Variants in ZNF580 observed in about 807,000 individuals in gnomAD.
ZNF580 encodes LDL-induced EC protein.
A neutral mutation model predicts 1.3 loss-of-function variants in ZNF580; 1 was observed. The observed-to-expected ratio is 0.77, with a 90% CI of 0.27 to 3.65. The LOEUF (loss-of-function observed/expected upper bound fraction) is 3.65, where lower values mean the gene tolerates loss of function less well. Ranked by LOEUF, ZNF580 falls within the 30% of genes most tolerant of loss-of-function variation. ZNF580 has a pLI of 0.19. For missense variants in ZNF580, 268 were observed against 272.3 expected (o/e 0.98, Z 0.11); for synonymous variants, 135 against 128.8 (o/e 1.05, Z -0.32).
Position 55,642,579 on chromosome 19 carries a change from C to T in ZNF580, c.71C>T (p.Pro24Leu), listed in dbSNP as rs371800796. ...CCGGAGGCCATGGACCCACCGCCCC[C>T]CAAGGCTCCCCCTTTCCCCAAGGCG... ...SSPEAMDPPP[P>L]KAPPFPKAEG... The change falls in exon 2 of 2, where the codon CCC becomes CTC. Residue 24 changes from proline (P) to leucine (L), a missense_variant. Transcript: ENST00000325333. 1 of 1,450,628 alleles carries T rather than the reference C, an allele frequency of 6.9e-7. No individual in the cohort carries two copies. The highest frequency in any genetic ancestry group is 9.1e-7 in the Non-Finnish European group (1 of 1,101,942). 89.9% of individuals were successfully genotyped at this position (1,450,628 alleles called of 1,614,324 possible). A position where few individuals can be genotyped will look rare whatever the true frequency, so the allele number is the denominator to read the frequency against.
chr19:55,642,547 C>A lies in ZNF580; in HGVS notation c.39C>A (p.Ser13=). ...CGCCGCGGCCACCCCACCCTCGGTC[C>A]TCCTCTCCGGAGGCCATGGACCCAC... ...LLPPRPPHPR[S]SSPEAMDPPP... Residue 13 remains serine (S), a synonymous_variant, in exon 2 of 2, where the codon TCC becomes TCA. Transcript: ENST00000325333. 1 of 1,451,000 alleles carries A rather than the reference C, an allele frequency of 6.9e-7. No individual in the cohort carries two copies. The highest frequency in any genetic ancestry group is 9.1e-7 in the Non-Finnish European group (1 of 1,104,884). 89.9% of individuals were successfully genotyped at this position (1,451,000 alleles called of 1,614,324 possible).
In ZNF580 at chr19:55,642,649, C is replaced by A. The variant is rs758724546; in HGVS notation, c.141C>A (p.Pro47=). Residue 47 remains proline (P), a synonymous_variant, in exon 2 of 2, where the codon CCC becomes CCA. Coordinates refer to ENST00000325333, the MANE Select transcript of ZNF580 (RefSeq NM_207115.2). ...STPSSAAGPR[P]PRLGRHLLID... is the part of the protein sequence containing the mutation. ...CTTCCTCGGCGGCGGGGCCCCGACC[C>A]CCGCGGCTGGGCCGCCACCTCCTCA... 1 of 1,431,214 alleles carries A rather than the reference C, an allele frequency of 7.0e-7. No individual in the cohort carries two copies. Among genetic ancestry groups the A allele is most frequent in the Non-Finnish European group, 9.2e-7 (1 of 1,091,136 alleles). The allele number at this position is 1,431,214 out of a possible 1,614,324, so 88.7% of individuals were successfully genotyped here.
Position 55,642,660 on chromosome 19 carries a change from G to A in ZNF580, c.152G>A (p.Gly51Asp). 1.4e-6 allele frequency: 2 copies of A among 1,426,120 alleles called. No individual in the cohort carries two copies. Among genetic ancestry groups the A allele is most frequent in the East Asian group, 2.9e-5 (1 of 34,520 alleles). 88.3% of individuals were successfully genotyped at this position (1,426,120 alleles called of 1,614,324 possible). ...GCGGGGCCCCGACCCCCGCGGCTGG[G>A]CCGCCACCTCCTCATCGACGCCAAT... The part of the protein sequence containing the change: ...SAAGPRPPRL[G>D]RHLLIDANGV... The change falls in exon 2 of 2, where the codon GGC becomes GAC. Residue 51 changes from glycine (G) to aspartate (D), a missense_variant. This residue lies in a region of ZNF580 where 225 missense variants were observed against 201.7 expected (regional missense o/e 1.12). Transcript: ENST00000325333.
intron 1 of ZNF580, among the ~76,000 whole-genome samples, chr19:55,641,565 G>A (rs1204820563): frequency 6.6e-6 from 1 of 152,174 alleles, no homozygotes; most frequent in Non-Finnish European, 1.5e-5. Flanking sequence ...ACAGAAAGGA[G>A]GGGAAAGTGG....
Position 55,642,278 on chromosome 19 carries a change from G to C in ZNF580, c.-12-219G>C. On this transcript the variant is annotated intron_variant, in intron 1 of 1. Transcript: ENST00000325333. ...GTGGACCCAGGAGGAGTGGCAGGTG[G>C]TGGCGGGGTTTTGCAGAGCTCAGTT... 4.8e-6 allele frequency: 6 copies of C among 1,245,274 alleles called. No individual in the cohort carries two copies. In the South Asian group the frequency reaches 1.3e-4, roughly 28 times the overall value. The allele number at this position is 1,245,274 out of a possible 1,614,324, so 77.1% of individuals were successfully genotyped here. A position where few individuals can be genotyped will look rare whatever the true frequency, so the allele number is the denominator to read the frequency against.
At chr19:55,641,988 A>G (rs544936558) in intron 1 of ZNF580, 1 of 922,202 alleles carries the variant, frequency 1.1e-6, no homozygotes, top group African/African-American at 2.3e-5. Context: ...TGTAGTGGGG[A>G]CGGAGGGCCA....
At chr19:55,642,066 G>A in intron 1 of ZNF580, 1 of 988,034 alleles carries the variant, frequency 1.0e-6, no homozygotes, top group Non-Finnish European at 1.2e-6. Flanking sequence ...ACTGAACTGG[G>A]GCTGGGCAAC....
chr19:55,642,141 G>A, intron 1 of ZNF580: 3 of 1,032,600 alleles, frequency 2.9e-6, no homozygotes, highest in South Asian at 9.1e-5. Flanking sequence ...GGTCTAAGAT[G>A]TAAAGAGGTA....
Position 55,642,636 on chromosome 19 carries a change from CG to C in ZNF580, c.132del (p.Arg46AspfsTer145). On this transcript the variant is annotated frameshift_variant, in exon 2 of 2. Transcript: ENST00000325333. LOFTEE classifies it low-confidence loss of function (END_TRUNC). Reference sequence around the variant, plus strand: ...CCCTCCTCCACTCCTTCCTCGGCGGCGGGGCCCCGACCCCCGCGGCTGGGCC... The same window carrying C: ...CCCTCCTCCACTCCTTCCTCGGCGGCGGGCCCCGACCCCCGCGGCTGGGCC... ...EGPSSTPSSA[A>X]GPRPPRLGRH... 1 of 1,436,112 alleles carries C rather than the reference CG, an allele frequency of 7.0e-7. No individual in the cohort carries two copies. Among genetic ancestry groups the C allele is most frequent in the Non-Finnish European group, 9.1e-7 (1 of 1,094,208 alleles). The allele number at this position is 1,436,112 out of a possible 1,614,324, so 89.0% of individuals were successfully genotyped here. A position where few individuals can be genotyped will look rare whatever the true frequency, so the allele number is the denominator to read the frequency against.
intron 1 of ZNF580, chr19:55,642,144 A>C (rs781683253): frequency 2.2e-5 from 23 of 1,029,622 alleles, no homozygotes; most frequent in Non-Finnish European, 2.7e-5. Flanking sequence ...CTAAGATGTA[A>C]AGAGGTAAAC....
intron 1 of ZNF580, among the ~76,000 whole-genome samples, 159 bp downstream of exon 1, chr19:55,641,342 C>T (rs977127421): frequency 1.3e-5 from 2 of 152,236 alleles, no homozygotes; most frequent in East Asian, 1.9e-4. Context: ...GCCAGGGCTC[C>T]TTGGGGAAGT....
In ZNF580 at chr19:55,641,184, G is replaced by C; in HGVS notation, c.-13+1G>C. ...CGGACCCGAGAGGCCGCCGCACGGG[G>C]TACGGGGGCCGGGATGGAGGGAGGA... On this transcript the variant is annotated splice_donor_variant, in intron 1 of 1. Transcript: ENST00000325333. LOFTEE classifies it low-confidence loss of function (5UTR_SPLICE). The C allele has an allele frequency of 1.0e-6, 1 of 985,424 alleles. No homozygotes were observed. Among genetic ancestry groups the C allele is most frequent in the Non-Finnish European group, 1.2e-6 (1 of 829,938 alleles). 61.0% of individuals were successfully genotyped at this position (985,424 alleles called of 1,614,324 possible).
In ZNF580 at chr19:55,642,500, C is replaced by T; in HGVS notation, c.-9C>T. 9.8e-6 allele frequency: 14 copies of T among 1,429,894 alleles called. No individual in the cohort carries two copies. The highest frequency in any genetic ancestry group is 1.3e-5 in the Non-Finnish European group (14 of 1,093,202). 88.6% of individuals were successfully genotyped at this position (1,429,894 alleles called of 1,614,324 possible). On this transcript the variant is annotated 5_prime_UTR_variant, in exon 2 of 2. Coordinates refer to ENST00000325333, the MANE Select transcript of ZNF580 (RefSeq NM_207115.2). Reference sequence around the variant, plus strand: ...ATCTCCCCTCCGCCGCTCCCAGCTGCCGCTCCAGATGCTGCTGCTGCCGCC... The same window carrying T: ...ATCTCCCCTCCGCCGCTCCCAGCTGTCGCTCCAGATGCTGCTGCTGCCGCC...
chr19:55,641,845 G>A (rs961865060), intron 1 of ZNF580: 2 of 161,162 alleles, frequency 1.2e-5, no homozygotes, highest in Non-Finnish European at 2.6e-5. Flanking sequence ...TAGACTTCGA[G>A]GTGCTAAGTG....
chr19:55,641,070 C>G lies in ZNF580; in HGVS notation c.-126C>G. Reference sequence around the variant, plus strand: ...CCCAGTCCCCGCGTCCCCGGCGCCGCCGGCCCGGAGCTGCCCGGAAGTCTC... The same window carrying G: ...CCCAGTCCCCGCGTCCCCGGCGCCGGCGGCCCGGAGCTGCCCGGAAGTCTC... On this transcript the variant is annotated 5_prime_UTR_variant, in exon 1 of 2. Transcript: ENST00000325333. The G allele has an allele frequency of 1.0e-6, 1 of 985,254 alleles. No homozygotes were observed. The highest frequency in any genetic ancestry group is 1.2e-6 in the Non-Finnish European group (1 of 829,826). The allele number at this position is 985,254 out of a possible 1,614,324, so 61.0% of individuals were successfully genotyped here.
intron 1 of ZNF580, 131 bp downstream of exon 1, chr19:55,641,314 G>C (rs1982456830): frequency 5.0e-6 from 3 of 594,730 alleles, no homozygotes; most frequent in Non-Finnish European, 4.2e-6. Context: ...GCGGAGGGAC[G>C]GGAGGGGAAG....
At chr19:55,642,159 T>G in intron 1 of ZNF580, 1 of 1,051,106 alleles carries the variant, frequency 9.5e-7, no homozygotes, top group Non-Finnish European at 1.1e-6. Context: ...GTAAACAGAT[T>G]TAGGGATTGA....
At position 55,642,601 on chromosome 19, in the gene ZNF580, G is replaced by A; in HGVS notation, c.93G>A (p.Lys31=). 2 of 1,449,036 alleles carry A rather than the reference G, an allele frequency of 1.4e-6. No homozygotes were observed. The highest frequency in any genetic ancestry group is 3.0e-5 in the African/African-American group (2 of 67,268). The allele number at this position is 1,449,036 out of a possible 1,614,324, so 89.8% of individuals were successfully genotyped here. A position where few individuals can be genotyped will look rare whatever the true frequency, so the allele number is the denominator to read the frequency against. The part of the protein sequence containing the change: ...PPPPKAPPFP[K]AEGPSSTPSS... ...CCCCCAAGGCTCCCCCTTTCCCCAA[G>A]GCGGAAGGCCCCTCCTCCACTCCTT... is the stretch of plus-strand genomic sequence containing the variant. The change falls in exon 2 of 2, where the codon AAG becomes AAA. Residue 31 remains lysine (K), a synonymous_variant. Transcript: ENST00000325333.
At chr19:55,642,164 G>A in intron 1 of ZNF580, 1 of 1,080,824 alleles carries the variant, frequency 9.3e-7, no homozygotes, top group African/African-American at 1.6e-5. Flanking sequence ...CAGATTTAGG[G>A]ATTGATTGTC....
Sources: gnomAD v4.1 joint callset for allele counts (sites outside exome capture counted in the v4.1 genomes callset) on GRCh38, gnomAD v4.1.1 for gene constraint, gnomAD v4.1.1 regional missense constraint, MANE v1.5 for transcripts, NCBI Gene and HGNC (gene_info 2026-07-23, HGNC 2026-07-21) for gene names.